The following GORASP1 variants were observed in gnomAD, a reference collection of about 807,000 sequenced individuals.
The protein encoded by GORASP1 is golgi reassembly stacking protein 1.
In GORASP1, 31 loss-of-function variants were observed where a neutral mutation model predicts 37.7. The observed-to-expected ratio is 0.82, with a 90% confidence interval of 0.62 to 1.11. GORASP1 has a LOEUF of 1.11. GORASP1 is among the 50% of genes least tolerant of loss of function. GORASP1 has a pLI of 0.00. For synonymous variants in GORASP1, 204 were observed against 224.8 expected (o/e 0.91, Z 0.83); for missense variants, 476 against 560.7 (o/e 0.85, Z 1.53).
rs1159033163 is a variant in GORASP1 at position 39,100,438 on chromosome 3, T to A, written c.632A>T (p.Lys211Met). 4 of 1,610,984 alleles carry A rather than the reference T, an allele frequency of 2.5e-6. No individual in the cohort carries two copies. The Admixed American group carries it at 6.7e-5, about 27-fold the overall frequency. The change falls in exon 6 of 9, where the codon AAG (lysine) becomes ATG (methionine). Residue 211 changes from lysine (K) to methionine (M), a missense_variant. By Grantham distance (95) the Lys-to-Met change is moderately conservative. Transcript: ENST00000319283. This position sits in a 1 kb window ranked among gnomAD's most constrained non-coding sequence, Gnocchi z 4.6. Reference sequence around the variant, plus strand: ...AGGTGGTGGGGTGCCAGGTGGCTTCTTGTGGTAGCTGGGGGGCTGAGTTGG... The same window carrying A: ...AGGTGGTGGGGTGCCAGGTGGCTTCATGTGGTAGCTGGGGGGCTGAGTTGG... The part of the protein sequence containing the change: ...RIPTQPPSYH[K>M]KPPGTPPPSA...
In GORASP1 at chr3:39,098,624, C is replaced by T. The variant is rs2035490702; in HGVS notation, c.1069+117G>A. The T allele has an allele frequency of 8.7e-6, 13 of 1,501,762 alleles. No individual in the cohort carries two copies. Among genetic ancestry groups the T allele is most frequent in the Non-Finnish European group, 1.2e-5 (13 of 1,110,320 alleles). The allele number at this position is 1,501,762 out of a possible 1,614,324, so 93.0% of individuals were successfully genotyped here. A position where few individuals can be genotyped will look rare whatever the true frequency, so the allele number is the denominator to read the frequency against. Reference sequence around the variant, plus strand: ...GATTGGAGATGGAGTGTACAAATGCCTTGGTGTGGCTGTATCAACCCGATG... The same window carrying T: ...GATTGGAGATGGAGTGTACAAATGCTTTGGTGTGGCTGTATCAACCCGATG... On this transcript the variant is annotated intron_variant, in intron 8 of 8. Coordinates refer to ENST00000319283, the MANE Select transcript of GORASP1 (RefSeq NM_031899.4). The surrounding 1 kb of genome is among the most constrained non-coding windows in gnomAD (Gnocchi z 4.7).
Position 39,102,451 on chromosome 3 carries a change from CAA to C in GORASP1, c.348+225_348+226del, listed in dbSNP as rs1375440946. Reference sequence around the variant, plus strand: ...TAGGTATAGAAGGTAAGAAAGTACCCAAAGTCATGGCTAACAGGAAGCAAGAT... The same window carrying C: ...TAGGTATAGAAGGTAAGAAAGTACCCAGTCATGGCTAACAGGAAGCAAGAT... On this transcript the variant is annotated intron_variant, in intron 3 of 8. Transcript: ENST00000319283. This position sits in a 1 kb window ranked among gnomAD's most constrained non-coding sequence, Gnocchi z 5.0. 6 of 593,828 alleles carry C rather than the reference CAA, an allele frequency of 1.0e-5. No homozygotes were observed. Among genetic ancestry groups the C allele is most frequent in the Non-Finnish European group, 1.8e-5 (6 of 332,274 alleles). The allele number at this position is 593,828 out of a possible 1,614,324, so 36.8% of individuals were successfully genotyped here.
At chr3:39,107,053 C>T (rs1559653771) in intron 1 of GORASP1, 3 of 461,256 alleles carry the variant, frequency 6.5e-6, no homozygotes, top group Non-Finnish European at 1.3e-5. Flanking sequence ...TTAACCCCGG[C>T]CCCCGGGACT....
At chr3:39,104,406 TATAC>T (rs1559648865) in intron 1 of GORASP1, among the ~76,000 whole-genome samples, 1 of 152,126 alleles carries the variant, frequency 6.6e-6, no homozygotes, top group African/African-American at 2.4e-5. Flanking sequence ...AAAAGCCCCA[TATAC>T]AGAGCCTGGC....
Position 39,103,741 on chromosome 3 carries a change from C to T in GORASP1, c.64-188G>A, listed in dbSNP as rs772325699. 1 of 499,602 alleles carries T rather than the reference C, an allele frequency of 2.0e-6. No individual in the cohort carries two copies. The highest frequency in any genetic ancestry group is 3.2e-5 in the South Asian group (1 of 31,622). 30.9% of individuals were successfully genotyped at this position (499,602 alleles called of 1,614,324 possible). On this transcript the variant is annotated intron_variant, in intron 1 of 8. Transcript: ENST00000319283. The surrounding 1 kb of genome is among the most constrained non-coding windows in gnomAD (Gnocchi z 5.2). ...GCTACCTTCCTGGGCACAAATTTTC[C>T]TCTTAGGAAAATGGCTCCTTCCTGA...
chr3:39,103,709 G>T lies in GORASP1; in HGVS notation c.64-156C>A, dbSNP rs2125707504. Reference sequence around the variant, plus strand: ...GGACATTCTCAGGGTTCACTCCATGGCCTCTTGCTACCTTCCTGGGCACAA... The same window carrying T: ...GGACATTCTCAGGGTTCACTCCATGTCCTCTTGCTACCTTCCTGGGCACAA... On this transcript the variant is annotated intron_variant, in intron 1 of 8. Transcript: ENST00000319283. The surrounding 1 kb of genome is among the most constrained non-coding windows in gnomAD (Gnocchi z 5.2). 1.9e-6 allele frequency: 1 copy of T among 518,008 alleles called. No individual in the cohort carries two copies. The highest frequency in any genetic ancestry group is 3.1e-5 in the South Asian group (1 of 32,652). 32.1% of individuals were successfully genotyped at this position (518,008 alleles called of 1,614,324 possible). A position where few individuals can be genotyped will look rare whatever the true frequency, so the allele number is the denominator to read the frequency against.
At position 39,097,464 on chromosome 3, in the gene GORASP1, G is replaced by A. The variant is rs144265008; in HGVS notation, c.*772C>T. 3.3e-5 allele frequency: 5 copies of A among 152,398 alleles called. No individual in the cohort carries two copies. Among genetic ancestry groups the A allele is most frequent in the African/African-American group, 9.6e-5 (4 of 41,578 alleles). 9.4% of individuals were successfully genotyped at this position (152,398 alleles called of 1,614,324 possible). On this transcript the variant is annotated 3_prime_UTR_variant, in exon 9 of 9. Coordinates refer to ENST00000319283, the MANE Select transcript of GORASP1 (RefSeq NM_031899.4). Reference sequence around the variant, plus strand: ...TCCCCCTTGGGGTTGGGAACCGTGCGTGGATAGACCTAGTCAGGTAGACTG... The same window carrying A: ...TCCCCCTTGGGGTTGGGAACCGTGCATGGATAGACCTAGTCAGGTAGACTG...
chr3:39,101,264 C>T (rs1416298984), intron 3 of GORASP1, 162 bp from the exon 4 acceptor site: 10 of 661,616 alleles, frequency 1.5e-5, no homozygotes. Context: ...CCCTCCATTC[C>T]CCTATCTCCC....
At chr3:39,099,718 G>A (rs1031820005) in intron 6 of GORASP1, among the ~76,000 whole-genome samples, 8 of 152,192 alleles carry the variant, frequency 5.3e-5, no homozygotes, top group Non-Finnish European at 8.8e-5. Context: ...TGTTGGCACT[G>A]AGAGGGAGCA....
chr3:39,101,405 C>G (rs55783725), intron 3 of GORASP1: 4 of 554,790 alleles, frequency 7.2e-6, no homozygotes, highest in Non-Finnish European at 1.3e-5. Context: ...ATTATTGAAC[C>G]TCTCCTAGCC....
Position 39,103,182 on chromosome 3 carries a change from C to T in GORASP1, c.144+291G>A, listed in dbSNP as rs898519390. On this transcript the variant is annotated intron_variant, in intron 2 of 8. Transcript: ENST00000319283. The surrounding 1 kb of genome is among the most constrained non-coding windows in gnomAD (Gnocchi z 5.2). ...CCAGTGCTGCCCCACTCTGAGCTGC[C>T]CCTTGGCCAGGGCCCTCATATCCCT... is the stretch of plus-strand genomic sequence containing the variant. 5 of 590,282 alleles carry T rather than the reference C, an allele frequency of 8.5e-6. No homozygotes were observed. The highest frequency in any genetic ancestry group is 1.5e-5 in the Non-Finnish European group (5 of 331,470). 36.6% of individuals were successfully genotyped at this position (590,282 alleles called of 1,614,324 possible).
At chr3:39,101,659 C>T (rs2035727731) in intron 3 of GORASP1, 1 of 439,578 alleles carries the variant, frequency 2.3e-6, no homozygotes, top group African/African-American at 2.0e-5. Context: ...TCCCAATCTC[C>T]CAGTCTCCCT....
rs750666409 is a variant in GORASP1, at chr3:39,102,710, G to C, written c.316C>G (p.Arg106Gly). The change falls in exon 3 of 9, where the codon CGC (arginine) becomes GGC (glycine). Residue 106 changes from arginine (R) to glycine (G), a missense_variant. Coordinates refer to ENST00000319283, the MANE Select transcript of GORASP1 (RefSeq NM_031899.4). The surrounding 1 kb of genome is among the most constrained non-coding windows in gnomAD (Gnocchi z 5.0). ...TGCCACACCTGCTCACTGGCCCTGC[G>C]GAAGCTGCAGAAGCGCACACTGGCA... ...LGASVRFCSF[R>G]RASEQVWHVL... The C allele has an allele frequency of 1.2e-6, 2 of 1,614,102 alleles. No individual in the cohort carries two copies. Among genetic ancestry groups the C allele is most frequent in the South Asian group, 2.2e-5 (2 of 91,072 alleles).
Position 39,103,816 on chromosome 3 carries a change from T to G in GORASP1, c.64-263A>C. The G allele has an allele frequency of 8.2e-6, 3 of 364,354 alleles. No homozygotes were observed. Among genetic ancestry groups the G allele is most frequent in the Middle Eastern group, 7.7e-4 (1 of 1,294 alleles). The allele number at this position is 364,354 out of a possible 1,614,324, so 22.6% of individuals were successfully genotyped here. On this transcript the variant is annotated intron_variant, in intron 1 of 8. Coordinates refer to ENST00000319283, the MANE Select transcript of GORASP1 (RefSeq NM_031899.4). The surrounding 1 kb of genome is among the most constrained non-coding windows in gnomAD (Gnocchi z 5.2). ...AATGGCTCACAGCCCAGGACATCCT[T>G]AGGGGCTCCCAGGAGGCAATATGGA... is the stretch of plus-strand genomic sequence containing the variant.
At chr3:39,099,720 G>T (rs956204974) in intron 6 of GORASP1, among the ~76,000 whole-genome samples, 2 of 152,230 alleles carry the variant, frequency 1.3e-5, no homozygotes, top group Non-Finnish European at 2.9e-5. Context: ...TTGGCACTGA[G>T]AGGGAGCACT....
chr3:39,099,168 G>A (rs1167588354), intron 7 of GORASP1, 185 bp downstream of exon 7: 1 of 824,200 alleles, frequency 1.2e-6, no homozygotes, highest in East Asian at 2.6e-5. Flanking sequence ...CCTGAAGGAG[G>A]CTACCTCTCT....
chr3:39,100,255 C>T lies in GORASP1; in HGVS notation c.765+50G>A. On this transcript the variant is annotated intron_variant, in intron 6 of 8. Transcript: ENST00000319283. This position sits in a 1 kb window ranked among gnomAD's most constrained non-coding sequence, Gnocchi z 4.6. ...AGGGTTGCTGATGGCTCCCCAAGGGCAGCCTCTAGAGTTTTCTGTCTTCCC... is the reference window on the plus strand; with the variant it reads ...AGGGTTGCTGATGGCTCCCCAAGGGTAGCCTCTAGAGTTTTCTGTCTTCCC... The T allele has an allele frequency of 6.5e-7, 1 of 1,533,720 alleles. No homozygotes were observed.
Position 39,100,470 on chromosome 3 carries a change from G to A in GORASP1, c.600C>T (p.His200=), listed in dbSNP as rs2035625995. The change falls in exon 6 of 9, where the codon CAC becomes CAT. Residue 200 remains histidine (H), a synonymous_variant. Transcript: ENST00000319283. This position sits in a 1 kb window ranked among gnomAD's most constrained non-coding sequence, Gnocchi z 4.6. ...AGCTGGGGGGCTGAGTTGGGATCCG[G>A]TGTAGATACCCATAGCCAATGCCAC... is the stretch of plus-strand genomic sequence containing the variant. ...LGCGIGYGYL[H]RIPTQPPSYH... The A allele has an allele frequency of 6.3e-7, 1 of 1,597,586 alleles. No homozygotes were observed. The highest frequency in any genetic ancestry group is 8.5e-7 in the Non-Finnish European group (1 of 1,171,882).
chr3:39,106,777 A>C (rs911786777), intron 1 of GORASP1, among the ~76,000 whole-genome samples: 1 of 151,606 alleles, frequency 6.6e-6, no homozygotes, highest in Admixed American at 6.6e-5. Context: ...CCTCACCCTC[A>C]CAGCACACTC....
Sources: allele counts gnomAD v4.1 joint callset (sites outside exome capture counted in the v4.1 genomes callset), GRCh38; gene constraint gnomAD v4.1.1; non-coding constraint Gnocchi (gnomAD v3.1); transcripts MANE v1.5; gene names NCBI Gene and HGNC (gene_info 2026-07-23, HGNC 2026-07-21).